The following OCA2 variants were observed in gnomAD, a reference collection of about 807,000 sequenced individuals.
OCA2 encodes the protein OCA2 melanosomal transmembrane protein.
Under a neutral mutation model 100.2 loss-of-function variants are expected in OCA2, and 77 were observed. That is an observed-to-expected ratio of 0.77 (90% CI 0.64 to 0.93). The LOEUF (loss-of-function observed/expected upper bound fraction) is 0.93. OCA2 is among the 40% of genes least tolerant of loss of function. The pLI is 0.00. For synonymous variants in OCA2, 432 were observed against 439.2 expected, an observed-to-expected ratio of 0.98 and a Z score of 0.21; for missense variants, 1,062 against 1,089.1, an observed-to-expected ratio of 0.98 and a Z score of 0.35.
intron 21 of OCA2, among the ~76,000 whole-genome samples, chr15:27,855,276 AC>A (rs1375826155): frequency 6.6e-6 from 1 of 152,178 alleles, no homozygotes; most frequent in Non-Finnish European, 1.5e-5. Flanking sequence ...GCCAGCCATG[AC>A]CTTTCCATCT....
chr15:27,922,756 G>A (rs2038910197), intron 19 of OCA2, among the ~76,000 whole-genome samples: 3 of 148,422 alleles, frequency 2.0e-5, no homozygotes, highest in Admixed American at 6.8e-5. Context: ...GCTTATTTTG[G>A]CCCCTGGCCA....
chr15:27,876,653 G>A (rs144807311), intron 19 of OCA2, among the ~76,000 whole-genome samples: 1 of 151,860 alleles, frequency 6.6e-6, no homozygotes, highest in Non-Finnish European at 1.5e-5. Context: ...CTATTAAAAC[G>A]AGTCTATTTT....
chr15:27,920,623 A>G (rs1009663736), intron 19 of OCA2, among the ~76,000 whole-genome samples: 3 of 152,166 alleles, frequency 2.0e-5, no homozygotes, highest in African/African-American at 7.2e-5. Flanking sequence ...AATTTTAAAT[A>G]TGTTTAGAGA....
At chr15:27,995,117 A>C (rs1296959653) in intron 9 of OCA2, among the ~76,000 whole-genome samples, 1 of 152,210 alleles carries the variant, frequency 6.6e-6, no homozygotes, top group Non-Finnish European at 1.5e-5. Flanking sequence ...GAGCACCTAA[A>C]TATGCACAGC....
At chr15:28,050,666 G>A (rs1007533051) in intron 2 of OCA2, among the ~76,000 whole-genome samples, 3 of 151,780 alleles carry the variant, frequency 2.0e-5, no homozygotes, top group African/African-American at 7.3e-5. Flanking sequence ...GACATAATAC[G>A]CACCTATTGC....
intron 2 of OCA2, among the ~76,000 whole-genome samples, chr15:28,081,139 C>CT (rs1180708368): frequency 1.3e-5 from 2 of 152,134 alleles, no homozygotes; most frequent in Non-Finnish European, 2.9e-5. Context: ...GGGTACCATG[C>CT]TGACTACCCG....
intron 19 of OCA2, among the ~76,000 whole-genome samples, chr15:27,884,107 C>T (rs2037129882): frequency 1.3e-5 from 2 of 152,160 alleles, no homozygotes; most frequent in Admixed American, 6.5e-5. Context: ...ATGTGCCAGG[C>T]GTGGTGACTC....
intron 23 of OCA2, among the ~76,000 whole-genome samples, chr15:27,769,268 G>T (rs934589853): frequency 1.3e-5 from 2 of 152,208 alleles, no homozygotes; most frequent in African/African-American, 4.8e-5. Flanking sequence ...AAATCACGAT[G>T]CACACGTCAG....
chr15:27,917,277 T>C (rs1175738512), intron 19 of OCA2, among the ~76,000 whole-genome samples: 2 of 152,154 alleles, frequency 1.3e-5, no homozygotes, highest in Admixed American at 6.5e-5. Context: ...TTCTATATGA[T>C]CTTCTTGGTT....
chr15:27,754,658 G>A (rs905564135), downstream of OCA2, among the ~76,000 whole-genome samples: 4 of 152,168 alleles, frequency 2.6e-5, no homozygotes, highest in East Asian at 1.9e-4. Flanking sequence ...TGAGGGTATC[G>A]AGTGTACGTC....
At chr15:27,857,399 T>C (rs2035982953) in intron 21 of OCA2, among the ~76,000 whole-genome samples, 1 of 152,136 alleles carries the variant, frequency 6.6e-6, no homozygotes, top group Non-Finnish European at 1.5e-5. Context: ...TGCCAAGGCC[T>C]TGGGGGACTA....
chr15:27,839,597 A>G (rs1048348641), intron 23 of OCA2, among the ~76,000 whole-genome samples: 2 of 152,222 alleles, frequency 1.3e-5, no homozygotes, highest in Non-Finnish European at 2.9e-5. Flanking sequence ...AAAGCCTCCG[A>G]CTCACAGTAG....
chr15:27,846,516 A>G (rs1234747302), intron 22 of OCA2, among the ~76,000 whole-genome samples: 1 of 152,012 alleles, frequency 6.6e-6, no homozygotes, highest in Non-Finnish European at 1.5e-5. Flanking sequence ...AAAAGACTCC[A>G]CTTATTTTCT....
chr15:27,920,198 G>A (rs2038807142), intron 19 of OCA2, among the ~76,000 whole-genome samples: 1 of 152,128 alleles, frequency 6.6e-6, no homozygotes, highest in African/African-American at 2.4e-5. Flanking sequence ...TCAACTGTAT[G>A]CTGTCTACAA....
intron 2 of OCA2, among the ~76,000 whole-genome samples, chr15:28,057,780 G>A (rs1189591322): frequency 6.6e-6 from 1 of 151,686 alleles, no homozygotes; most frequent in Non-Finnish European, 1.5e-5. Context: ...CTGCTGCAGG[G>A]GAACAGGTGG....
the OCA2 span, among the ~76,000 whole-genome samples, chr15:27,733,437 C>T: frequency 5.3e-5 from 8 of 152,178 alleles, no homozygotes; most frequent in African/African-American, 7.2e-5. Flanking sequence ...CAGCCACCCA[C>T]GGCCCAGCAT....
intron 1 of OCA2, among the ~76,000 whole-genome samples, chr15:28,097,394 G>A (rs2045005891): frequency 1.3e-5 from 2 of 152,240 alleles, no homozygotes; most frequent in South Asian, 4.1e-4. Context: ...AGGAGCTGAG[G>A]GAGCTCCGGC....
At chr15:28,031,930 A>G in intron 3 of OCA2, 135 bp downstream of exon 3, 2 of 751,320 alleles carry the variant, frequency 2.7e-6, no homozygotes, top group Non-Finnish European at 4.9e-6. Flanking sequence ...ATGAACATCT[A>G]CTACAATAAA....
At chr15:27,877,429 A>G (rs2036837217) in intron 19 of OCA2, among the ~76,000 whole-genome samples, 1 of 151,884 alleles carries the variant, frequency 6.6e-6, no homozygotes, top group South Asian at 2.1e-4. Flanking sequence ...GAGTGATAAA[A>G]TCTTCTTCTA....
Sources: allele counts gnomAD v4.1 joint callset (sites outside exome capture counted in the v4.1 genomes callset), GRCh38; gene constraint gnomAD v4.1.1; transcripts MANE v1.5; gene names NCBI Gene and HGNC (gene_info 2026-07-23, HGNC 2026-07-21).